LCE1F: variants seen among roughly 807,000 people sequenced by gnomAD.
The protein encoded by LCE1F is late cornified envelope 1F, also known as late cornified envelope protein 1F.
For synonymous variants in LCE1F, 67 were observed against 59.9 expected (o/e 1.12, Z -0.55); for missense variants, 154 against 153.5 (o/e 1.00, Z -0.02).
intron 1 of LCE1F, among the ~76,000 whole-genome samples, 63 bp downstream of exon 1, chr1:152,775,253 A>T (rs1188430934): frequency 1.3e-5 from 2 of 151,842 alleles, no homozygotes; most frequent in African/African-American, 4.8e-5. Flanking sequence ...CCAGGGAAGG[A>T]GGGGATGGAT....
rs1333930015 is a variant in LCE1F at position 152,776,608 on chromosome 1, C to T, written c.237C>T (p.His79=). 6.2e-7 allele frequency: 1 copy of T among 1,610,232 alleles called. No homozygotes were observed. The highest frequency in any genetic ancestry group is 2.2e-5 in the East Asian group (1 of 44,754). The change falls in exon 2 of 2, where the codon CAC becomes CAT. Residue 79 remains histidine, a synonymous_variant. Coordinates refer to ENST00000334371, the MANE Select transcript of LCE1F (RefSeq NM_178354.3). ...GGGGAGGCGGCTGTTGCCTGAGCCACCACAGACGGCGTAGGTCCCACCGCC... is the reference window on the plus strand; with the variant it reads ...GGGGAGGCGGCTGTTGCCTGAGCCATCACAGACGGCGTAGGTCCCACCGCC... ...SSGGGGCCLS[H]HRRRRSHRHR...
chr1:152,775,930 A>G (rs1651579377), intron 1 of LCE1F, among the ~76,000 whole-genome samples: 1 of 149,104 alleles, frequency 6.7e-6, no homozygotes, highest in South Asian at 2.1e-4. Flanking sequence ...ACTGAAATAT[A>G]TCAGTTCTTC....
At position 152,776,368 on chromosome 1, in the gene LCE1F, C is replaced by A. The variant is rs201066106; in HGVS notation, c.-4C>A. Reference sequence around the variant, plus strand: ...CCTTCAGCTCCTGAACACCCGCCACCGAGATGTCTTGCCAGCAGAGCCAGC... The same window carrying A: ...CCTTCAGCTCCTGAACACCCGCCACAGAGATGTCTTGCCAGCAGAGCCAGC... On this transcript the variant is annotated 5_prime_UTR_variant, in exon 2 of 2. Transcript: ENST00000334371. 1 of 1,613,940 alleles carries A rather than the reference C, an allele frequency of 6.2e-7. No individual in the cohort carries two copies. The highest frequency in any genetic ancestry group is 8.5e-7 in the Non-Finnish European group (1 of 1,179,862).
chr1:152,776,229 G>T (rs2101572686), intron 1 of LCE1F, 121 bp from the exon 2 acceptor site: 1 of 865,294 alleles, frequency 1.2e-6, no homozygotes, highest in South Asian at 1.7e-5. Context: ...CATTAGAGGT[G>T]ATTTTCCTAT....
chr1:152,776,621 A>G lies in LCE1F; in HGVS notation c.250A>G (p.Arg84Gly). 1 of 1,612,018 alleles carries G rather than the reference A, an allele frequency of 6.2e-7. No homozygotes were observed. The highest frequency in any genetic ancestry group is 8.5e-7 in the Non-Finnish European group (1 of 1,179,280). The change falls in exon 2 of 2, where the codon AGG becomes GGG. Residue 84 changes from arginine (R) to glycine (G), a missense_variant. Transcript: ENST00000334371. ...TTGCCTGAGCCACCACAGACGGCGTAGGTCCCACCGCCACAGACCCCAGAG... is the reference window on the plus strand; with the variant it reads ...TTGCCTGAGCCACCACAGACGGCGTGGGTCCCACCGCCACAGACCCCAGAG... ...GCCLSHHRRR[R>G]SHRHRPQSSD...
At chr1:152,775,662 G>A (rs1406558956) in intron 1 of LCE1F, among the ~76,000 whole-genome samples, 1 of 152,212 alleles carries the variant, frequency 6.6e-6, no homozygotes, top group African/African-American at 2.4e-5. Flanking sequence ...AAGATCTGTA[G>A]TGGAAAACTG....
intron 1 of LCE1F, among the ~76,000 whole-genome samples, chr1:152,775,959 A>ATTTTTTTTTTTTTTTTTTTTT: frequency 5.3e-5 from 8 of 150,792 alleles, no homozygotes; most frequent in African/African-American, 1.7e-4. Context: ...ATTTATTTTG[A>ATTTTTTTTTTTTTTTTTTTTT]TTTTTCCTTA....
At chr1:152,775,968 T>TTTTTTTTTTTTTTTGAG (rs1482952458) in intron 1 of LCE1F, among the ~76,000 whole-genome samples, 1 of 152,148 alleles carries the variant, frequency 6.6e-6, no homozygotes, top group African/African-American at 2.4e-5. Flanking sequence ...GATTTTTCCT[T>TTTTTTTTTTTTTTTGAG]AAAGAGATTT....
intron 1 of LCE1F, among the ~76,000 whole-genome samples, chr1:152,775,968 T>TTTTTTTTTTTTTTTTGAG (rs1482952458): frequency 6.6e-6 from 1 of 152,150 alleles, no homozygotes; most frequent in African/African-American, 2.4e-5. Context: ...GATTTTTCCT[T>TTTTTTTTTTTTTTTTGAG]AAAGAGATTT....
intron 1 of LCE1F, 49 bp from the exon 2 acceptor site, chr1:152,776,301 C>T: frequency 6.7e-7 from 1 of 1,482,772 alleles, no homozygotes; most frequent in Non-Finnish European, 9.4e-7. Flanking sequence ...CAAGAATAGG[C>T]AGGGGTGTCC....
rs1412705561 is a variant in LCE1F, at chr1:152,776,403, A to G, written c.32A>G (p.Gln11Arg). MSCQQSQQQCQPPPKCTPKCP... is the reference protein window; with the variant it reads MSCQQSQQQCRPPPKCTPKCP... ...TGCCAGCAGAGCCAGCAGCAGTGCC[A>G]GCCCCCTCCCAAGTGCACTCCCAAG... Residue 11 changes from glutamine to arginine, a missense_variant, in exon 2 of 2, where the codon CAG (glutamine) becomes CGG (arginine). Gln to Arg is a conservative substitution (Grantham distance 43). Coordinates refer to ENST00000334371, the MANE Select transcript of LCE1F (RefSeq NM_178354.3). 1.2e-6 allele frequency: 2 copies of G among 1,609,140 alleles called. No individual in the cohort carries two copies. Among genetic ancestry groups the G allele is most frequent in the East Asian group, 4.5e-5 (2 of 44,682 alleles).
chr1:152,776,301 C>A, intron 1 of LCE1F, 49 bp from the exon 2 acceptor site: 1 of 1,482,766 alleles, frequency 6.7e-7, no homozygotes, highest in Non-Finnish European at 9.4e-7. Flanking sequence ...CAAGAATAGG[C>A]AGGGGTGTCC....
Position 152,776,786 on chromosome 1 carries a change from T to G in LCE1F, c.*58T>G, listed in dbSNP as rs955248537. 181 of 1,488,916 alleles carry G rather than the reference T, an allele frequency of 1.2e-4. No individual in the cohort carries two copies. Among genetic ancestry groups the G allele is most frequent in the Non-Finnish European group, 1.6e-4 (177 of 1,111,212 alleles). 92.2% of individuals were successfully genotyped at this position (1,488,916 alleles called of 1,614,324 possible). A position where few individuals can be genotyped will look rare whatever the true frequency, so the allele number is the denominator to read the frequency against. On this transcript the variant is annotated 3_prime_UTR_variant, in exon 2 of 2. Transcript: ENST00000334371. ...AGGCATGAAAGGGGCAACTTCATCTTCCTTGGGACTGACTGTGTTGCTGGG... is the reference window on the plus strand; with the variant it reads ...AGGCATGAAAGGGGCAACTTCATCTGCCTTGGGACTGACTGTGTTGCTGGG...
rs770506034 is a variant in LCE1F, at chr1:152,776,443, C to A, written c.72C>A (p.Cys24Ter). 3.1e-6 allele frequency: 5 copies of A among 1,596,680 alleles called. No homozygotes were observed. The African/African-American group carries it at 6.0e-5, about 19-fold the overall frequency. ...GCACTCCCAAGTGCCCTCCCAAGTGCCCCACACCGAAGTGCCCCCCAAAGT... is the reference window on the plus strand; with the variant it reads ...GCACTCCCAAGTGCCCTCCCAAGTGACCCACACCGAAGTGCCCCCCAAAGT... ...PKCTPKCPPK[C>*]PTPKCPPKCP... The change falls in exon 2 of 2, where the codon TGC (cysteine) becomes TGA (stop). Residue 24 changes from cysteine (C) to a stop codon, truncating the protein, a stop_gained. Transcript: ENST00000334371. LOFTEE classifies it high-confidence loss of function.
At chr1:152,775,724 G>A (rs1331812610) in intron 1 of LCE1F, among the ~76,000 whole-genome samples, 2 of 152,176 alleles carry the variant, frequency 1.3e-5, no homozygotes, top group Non-Finnish European at 2.9e-5. Flanking sequence ...GACAGGCCTG[G>A]GGAGGCAGGA....
rs41268480 is a variant in LCE1F at position 152,776,615 on chromosome 1, C to A, written c.244C>A (p.Arg82=). Residue 82 remains arginine, a synonymous_variant, in exon 2 of 2, where the codon CGG becomes AGG. Transcript: ENST00000334371. ...CGGCTGTTGCCTGAGCCACCACAGA[C>A]GGCGTAGGTCCCACCGCCACAGACC... The part of the protein sequence containing the change: ...GGGCCLSHHR[R]RRSHRHRPQS... 6 of 1,612,516 alleles carry A rather than the reference C, an allele frequency of 3.7e-6. No homozygotes were observed. Among genetic ancestry groups the A allele is most frequent in the Non-Finnish European group, 5.1e-6 (6 of 1,179,646 alleles).
At chr1:152,776,257 C>A in intron 1 of LCE1F, 93 bp from the exon 2 acceptor site, 1 of 1,155,438 alleles carries the variant, frequency 8.7e-7, no homozygotes, top group South Asian at 1.4e-5. Flanking sequence ...ATAAGGCTTT[C>A]AAAATGAAGG....
chr1:152,776,137 A>G (rs1651584323), intron 1 of LCE1F, among the ~76,000 whole-genome samples: 1 of 152,182 alleles, frequency 6.6e-6, no homozygotes. Flanking sequence ...GAGATTATAT[A>G]TTGCATGACA....
In LCE1F at chr1:152,776,457, GC is replaced by G; in HGVS notation, c.92del (p.Pro31GlnfsTer47). On this transcript the variant is annotated frameshift_variant, in exon 2 of 2. Transcript: ENST00000334371. LOFTEE classifies it high-confidence loss of function. ...KCPPKCPTPK[C>X]PPKCPPKCPP... ...CCTCCCAAGTGCCCCACACCGAAGT[GC>G]CCCCCAAAGTGTCCCCCTAAGTGCC... 6.3e-7 allele frequency: 1 copy of G among 1,597,338 alleles called. No individual in the cohort carries two copies. Among genetic ancestry groups the G allele is most frequent in the East Asian group, 2.3e-5 (1 of 44,346 alleles).
Sources: gnomAD v4.1 joint callset for allele counts (sites outside exome capture counted in the v4.1 genomes callset) on GRCh38, gnomAD v4.1.1 for gene constraint, MANE v1.5 for transcripts, NCBI Gene and HGNC (gene_info 2026-07-23, HGNC 2026-07-21) for gene names.